CAMTA1: variants seen among roughly 807,000 people sequenced by gnomAD.
The protein encoded by CAMTA1 is calmodulin binding transcription activator 1.
CAMTA1 carries 27 observed loss-of-function variants against 170.9 expected under a neutral mutation model. The observed-to-expected ratio is 0.16, with a 90% CI of 0.12 to 0.22. CAMTA1 has a LOEUF of 0.22. CAMTA1 is among the 10% of genes least tolerant of loss of function. The pLI, the probability that CAMTA1 is intolerant of heterozygous loss-of-function variation, is 1.00. For missense variants in CAMTA1, 1,619 were observed against 2,217.2 expected, an observed-to-expected ratio of 0.73 and a Z score of 5.42; for synonymous variants, 833 against 891.5, an observed-to-expected ratio of 0.93 and a Z score of 1.17.
intron 4 of CAMTA1, among the ~76,000 whole-genome samples, chr1:7,165,569 C>T (rs369748073): frequency 2.6e-4 from 39 of 152,166 alleles, no homozygotes; most frequent in African/African-American, 8.2e-4. Context: ...GTAGCTGAGA[C>T]TACAGGCACG....
At chr1:6,960,724 T>G (rs1690253511) in intron 3 of CAMTA1, among the ~76,000 whole-genome samples, 1 of 152,192 alleles carries the variant, frequency 6.6e-6, no homozygotes, top group Non-Finnish European at 1.5e-5. Flanking sequence ...TGCCTTTGTG[T>G]CATTGTGCCT....
chr1:7,221,928 TACACACACAC>T (rs61354001), intron 4 of CAMTA1, among the ~76,000 whole-genome samples: 1 of 124,212 alleles, frequency 8.1e-6, no homozygotes, highest in African/African-American at 3.3e-5. Flanking sequence ...CACACACACA[TACACACACAC>T]ACACACACAC....
At chr1:7,168,045 A>G (rs184272252) in intron 4 of CAMTA1, among the ~76,000 whole-genome samples, 11 of 152,246 alleles carry the variant, frequency 7.2e-5, no homozygotes, top group Non-Finnish European at 1.0e-4. Context: ...TGAGTTTTCT[A>G]TCTTTGAACA....
intron 5 of CAMTA1, among the ~76,000 whole-genome samples, chr1:7,279,702 C>T (rs983850862): frequency 1.3e-5 from 2 of 152,184 alleles, no homozygotes; most frequent in Non-Finnish European, 2.9e-5. Context: ...TTGGTACTTC[C>T]AAAGCCCACA....
At chr1:7,122,252 T>C (rs1644688049) in intron 4 of CAMTA1, among the ~76,000 whole-genome samples, 3 of 152,100 alleles carry the variant, frequency 2.0e-5, no homozygotes, top group Admixed American at 1.3e-4. Context: ...TGTCTTCCTC[T>C]TGCCCCCGCC....
chr1:7,328,458 G>A (rs939901729), intron 5 of CAMTA1, among the ~76,000 whole-genome samples: 3 of 152,124 alleles, frequency 2.0e-5, no homozygotes, highest in African/African-American at 7.2e-5. Context: ...TCCTGTCACT[G>A]CACTCCAGCC....
At chr1:6,926,484 CTT>C (rs1491476790) in intron 3 of CAMTA1, among the ~76,000 whole-genome samples, 24 of 131,602 alleles carry the variant, frequency 1.8e-4, no homozygotes, top group South Asian at 1.0e-3. Flanking sequence ...TTCTTTCTTT[CTT>C]TCTCTCTCTC....
At chr1:7,516,821 G>A (rs945963934) in intron 6 of CAMTA1, among the ~76,000 whole-genome samples, 1 of 152,184 alleles carries the variant, frequency 6.6e-6, no homozygotes, top group African/African-American at 2.4e-5. Flanking sequence ...AGGAAGCCCT[G>A]TCTGCCAGCA....
At chr1:7,105,947 A>C (rs1643539061) in intron 4 of CAMTA1, among the ~76,000 whole-genome samples, 1 of 152,128 alleles carries the variant, frequency 6.6e-6, no homozygotes, top group South Asian at 2.1e-4. Flanking sequence ...CTCAAAAAAA[A>C]AAAAGGGTTT....
At chr1:7,578,957 T>C (rs1053026335) in intron 6 of CAMTA1, among the ~76,000 whole-genome samples, 5 of 152,168 alleles carry the variant, frequency 3.3e-5, no homozygotes, top group Admixed American at 2.6e-4. Flanking sequence ...AAGGCATTCA[T>C]ACCATCCCCG....
At chr1:7,186,381 C>G (rs1653270456) in intron 4 of CAMTA1, among the ~76,000 whole-genome samples, 1 of 152,182 alleles carries the variant, frequency 6.6e-6, no homozygotes, top group Non-Finnish European at 1.5e-5. Flanking sequence ...CCTACAGGTG[C>G]TAGTGCTGGG....
At chr1:7,480,665 A>G (rs1451992513) in intron 6 of CAMTA1, among the ~76,000 whole-genome samples, 1 of 151,560 alleles carries the variant, frequency 6.6e-6, no homozygotes, top group Admixed American at 6.6e-5. Context: ...CTTCCCGGCT[A>G]TCTCCCTCCT....
chr1:6,794,035 T>C (rs1641853279), intron 1 of CAMTA1, among the ~76,000 whole-genome samples: 1 of 152,152 alleles, frequency 6.6e-6, no homozygotes. Flanking sequence ...TCATTTATGA[T>C]TAAAAATAAT....
At position 7,601,142 on chromosome 1, in the gene CAMTA1, C is replaced by T. The variant is rs576220239; in HGVS notation, c.511-39258C>T. Among the ~76,000 whole-genome samples, 26 of 146,526 alleles carry T rather than the reference C, an allele frequency of 1.8e-4. 1 individual carries two copies. In the South Asian group the frequency reaches 4.3e-3, roughly 24 times the overall value. On this transcript the variant is annotated intron_variant, in intron 6 of 22. Coordinates refer to ENST00000303635, the MANE Select transcript of CAMTA1 (RefSeq NM_015215.4). ...CCCCCCACCTCCCTCCCGGACGGGGCGGCTGGCCGGGCAGGGGGCTGACCC... is the reference window on the plus strand; with the variant it reads ...CCCCCCACCTCCCTCCCGGACGGGGTGGCTGGCCGGGCAGGGGGCTGACCC...
chr1:7,276,540 A>G (rs1473107183), intron 5 of CAMTA1, among the ~76,000 whole-genome samples: 3 of 151,270 alleles, frequency 2.0e-5, no homozygotes, highest in Non-Finnish European at 4.4e-5. Flanking sequence ...CAATCTCCTG[A>G]CCTCGTGATC....
At chr1:6,926,372 C>T (rs1165443421) in intron 3 of CAMTA1, among the ~76,000 whole-genome samples, 3 of 144,876 alleles carry the variant, frequency 2.1e-5, no homozygotes, top group Non-Finnish European at 4.5e-5. Flanking sequence ...TCCTTCCTTT[C>T]TCTTTCTTTC....
intron 5 of CAMTA1, among the ~76,000 whole-genome samples, chr1:7,267,240 T>A (rs1669074540): frequency 1.3e-5 from 2 of 152,180 alleles, no homozygotes; most frequent in African/African-American, 4.8e-5. Flanking sequence ...GCTTCTGGGA[T>A]GGATTTTAGA....
At chr1:7,028,777 T>A (rs1702363852) in intron 3 of CAMTA1, among the ~76,000 whole-genome samples, 1 of 152,222 alleles carries the variant, frequency 6.6e-6, no homozygotes, top group Admixed American at 6.5e-5. Context: ...GTTTGGACTG[T>A]CAGAGGTAGG....
chr1:6,867,820 C>T (rs1421633109), intron 3 of CAMTA1, among the ~76,000 whole-genome samples: 5 of 151,658 alleles, frequency 3.3e-5, no homozygotes, highest in Non-Finnish European at 7.4e-5. Flanking sequence ...TTTTCCCTCC[C>T]CCAGAGACTG....
Sources: allele counts gnomAD v4.1 joint callset (sites outside exome capture counted in the v4.1 genomes callset), GRCh38; gene constraint gnomAD v4.1.1; transcripts MANE v1.5; gene names NCBI Gene and HGNC (gene_info 2026-07-23, HGNC 2026-07-21).